The following FBXL17 variants were observed in gnomAD, a reference collection of about 807,000 sequenced individuals.
FBXL17 encodes F-box and leucine rich repeat protein 17.
Under a neutral mutation model 66.2 loss-of-function variants are expected in FBXL17, and 22 were observed. That is an observed-to-expected ratio of 0.33 (90% CI 0.24 to 0.47). FBXL17 has a LOEUF of 0.47. Among genes scored for constraint, FBXL17 ranks in the 20% least tolerant of loss-of-function variants. The pLI, the probability that FBXL17 is intolerant of heterozygous loss-of-function variation, is 1.00. For synonymous variants in FBXL17, 474 were observed against 400.5 expected (o/e 1.18, Z -2.19); for missense variants, 878 against 948.2 (o/e 0.93, Z 0.97).
intron 6 of FBXL17, among the ~76,000 whole-genome samples, chr5:108,045,274 T>G (rs1162549382): frequency 6.6e-6 from 1 of 151,964 alleles, no homozygotes; most frequent in Non-Finnish European, 1.5e-5. Flanking sequence ...GCCCTGTCGC[T>G]ACAAAAAAAT....
chr5:108,025,049 T>G (rs1367816675), intron 6 of FBXL17, among the ~76,000 whole-genome samples: 2 of 152,178 alleles, frequency 1.3e-5, no homozygotes, highest in African/African-American at 2.4e-5. Flanking sequence ...TACCAAATTT[T>G]TATGTTTTTT....
chr5:107,893,579 C>T (rs1749273777), intron 7 of FBXL17, among the ~76,000 whole-genome samples: 1 of 152,206 alleles, frequency 6.6e-6, no homozygotes, highest in African/African-American at 2.4e-5. Flanking sequence ...AATCTTGAAT[C>T]TGTCCCTGAC....
chr5:108,018,143 T>C (rs1472523766), intron 7 of FBXL17, among the ~76,000 whole-genome samples: 1 of 152,136 alleles, frequency 6.6e-6, no homozygotes, highest in Non-Finnish European at 1.5e-5. Context: ...CCAGCTTGAA[T>C]ACGAGTAAAG....
rs1330989544 is a variant in FBXL17 at position 107,861,770 on chromosome 5, T to C, written c.2056A>G (p.Arg686Gly). ...GGGGTCCAGCCCATCTGATAGGCTC[T>C]CTCCAAGGTCCTCTTGCAGTCCTGC... is the stretch of plus-strand genomic sequence containing the variant. ...VLQDCKRTLE[R>G]AYQMGWTPNM... Residue 686 changes from arginine (R) to glycine (G), a missense_variant, in exon 9 of 9, where the codon AGA (arginine) becomes GGA (glycine). Coordinates refer to ENST00000542267, the MANE Select transcript of FBXL17 (RefSeq NM_001163315.3). 1.3e-6 allele frequency: 2 copies of C among 1,587,244 alleles called. No individual in the cohort carries two copies. Among genetic ancestry groups the C allele is most frequent in the Non-Finnish European group, 1.7e-6 (2 of 1,164,520 alleles).
intron 7 of FBXL17, among the ~76,000 whole-genome samples, chr5:107,972,190 A>G (rs985618845): frequency 7.9e-5 from 12 of 152,166 alleles, no homozygotes; most frequent in African/African-American, 2.9e-4. Context: ...AATAAATGAA[A>G]GAAAAGAAAA....
intron 4 of FBXL17, among the ~76,000 whole-genome samples, chr5:108,308,531 C>T (rs1374880178): frequency 6.6e-6 from 1 of 152,024 alleles, no homozygotes; most frequent in East Asian, 1.9e-4. Context: ...ACAGGTTTTG[C>T]TTAATGGAAA....
In FBXL17 at chr5:108,377,744, T is replaced by C. The variant is rs541032282; in HGVS notation, c.993+2955A>G. On this transcript the variant is annotated intron_variant, in intron 1 of 8. Coordinates refer to ENST00000542267, the MANE Select transcript of FBXL17 (RefSeq NM_001163315.3). ...GCAGCCACAGGTGAAAGTACATTTCTTGCGGATATTTTTATGCTTGTCCTC... is the reference window on the plus strand; with the variant it reads ...GCAGCCACAGGTGAAAGTACATTTCCTGCGGATATTTTTATGCTTGTCCTC... Among the ~76,000 whole-genome samples the C allele has an allele frequency of 1.8e-4, 27 of 152,390 alleles. No individual in the cohort carries two copies. The South Asian group carries it at 5.6e-3, about 32-fold the overall frequency.
At chr5:107,918,887 G>A (rs1282332904) in intron 7 of FBXL17, among the ~76,000 whole-genome samples, 1 of 152,090 alleles carries the variant, frequency 6.6e-6, no homozygotes, top group Non-Finnish European at 1.5e-5. Context: ...GTAGATCCAG[G>A]GAAGCCATGC....
At chr5:108,033,865 A>T (rs954252105) in intron 6 of FBXL17, among the ~76,000 whole-genome samples, 1 of 152,224 alleles carries the variant, frequency 6.6e-6, no homozygotes, top group African/African-American at 2.4e-5. Flanking sequence ...TTCTACTCTT[A>T]TTATTTTTCA....
intron 5 of FBXL17, among the ~76,000 whole-genome samples, chr5:108,210,718 GT>G (rs1250522555): frequency 6.6e-6 from 1 of 152,144 alleles, no homozygotes; most frequent in Non-Finnish European, 1.5e-5. Context: ...GCTGAGGAGT[GT>G]TTTACTTCCA....
chr5:108,117,482 C>T lies in FBXL17; in HGVS notation c.1745+68635G>A, dbSNP rs536528467. On this transcript the variant is annotated intron_variant, in intron 6 of 8. Coordinates refer to ENST00000542267, the MANE Select transcript of FBXL17 (RefSeq NM_001163315.3). Reference sequence around the variant, plus strand: ...AATAAAATAAGATTTATAAATTGAGCTTAAAGGCTTATGAAAACTTGGCTT... The same window carrying T: ...AATAAAATAAGATTTATAAATTGAGTTTAAAGGCTTATGAAAACTTGGCTT... 4.6e-5 allele frequency among the ~76,000 whole-genome samples: 7 copies of T among 152,140 alleles called. No individual in the cohort carries two copies. In the East Asian group the frequency reaches 1.4e-3, roughly 29 times the overall value.
intron 7 of FBXL17, among the ~76,000 whole-genome samples, chr5:107,898,237 C>A (rs913255512): frequency 6.6e-6 from 1 of 151,808 alleles, no homozygotes; most frequent in East Asian, 1.9e-4. Context: ...AGAATTGGTA[C>A]CATAAACACT....
chr5:107,966,619 T>A (rs930225951), intron 7 of FBXL17, among the ~76,000 whole-genome samples: 1 of 152,140 alleles, frequency 6.6e-6, no homozygotes, highest in African/African-American at 2.4e-5. Context: ...CTGGAAGCAT[T>A]TTTGTTCGAC....
chr5:108,184,747 C>CAAAAAA lies in FBXL17; in HGVS notation c.1745+1364_1745+1369dup, dbSNP rs34512714. The stretch of plus-strand genomic sequence containing the variant: ...CGGGTGCCAAAGCAAGACTCGGTCT[C>CAAAAAA]AAAAAAAAAAAAAAAAAAAAAGAGG... On this transcript the variant is annotated intron_variant, in intron 6 of 8. Coordinates refer to ENST00000542267, the MANE Select transcript of FBXL17 (RefSeq NM_001163315.3). Among the ~76,000 whole-genome samples, 12 of 82,474 alleles carry CAAAAAA rather than the reference C, an allele frequency of 1.5e-4. No individual in the cohort carries two copies. In the East Asian group the frequency reaches 1.5e-3, roughly 10 times the overall value. 54.1% of individuals were successfully genotyped at this position (82,474 alleles called of 152,430 possible). A position where few individuals can be genotyped will look rare whatever the true frequency, so the allele number is the denominator to read the frequency against.
chr5:108,035,024 C>T (rs1156925517), intron 6 of FBXL17, among the ~76,000 whole-genome samples: 1 of 152,096 alleles, frequency 6.6e-6, no homozygotes, highest in Non-Finnish European at 1.5e-5. Context: ...TTTTTTTCTA[C>T]TAATGATCTA....
intron 6 of FBXL17, among the ~76,000 whole-genome samples, chr5:108,082,636 G>T (rs2149920599): frequency 6.6e-6 from 1 of 151,924 alleles, no homozygotes; most frequent in Non-Finnish European, 1.5e-5. Context: ...TGCAAAGTGT[G>T]GTAGAACATG....
intron 6 of FBXL17, among the ~76,000 whole-genome samples, chr5:108,136,704 T>C (rs1040811524): frequency 2.0e-5 from 3 of 152,134 alleles, no homozygotes; most frequent in Non-Finnish European, 1.5e-5. Context: ...AAAGCCCAAC[T>C]GCAAAAACTT....
At chr5:108,125,723 C>G (rs967120891) in intron 6 of FBXL17, among the ~76,000 whole-genome samples, 1 of 151,888 alleles carries the variant, frequency 6.6e-6, no homozygotes, top group Non-Finnish European at 1.5e-5. Flanking sequence ...ATTAGTGTTA[C>G]CAGAACTATG....
At chr5:107,897,701 A>C (rs1749428356) in intron 7 of FBXL17, among the ~76,000 whole-genome samples, 1 of 152,148 alleles carries the variant, frequency 6.6e-6, no homozygotes, top group Non-Finnish European at 1.5e-5. Flanking sequence ...CTTTTTGAAA[A>C]GAATTATCAA....
Sources: allele counts gnomAD v4.1 joint callset (sites outside exome capture counted in the v4.1 genomes callset), GRCh38; gene constraint gnomAD v4.1.1; transcripts MANE v1.5; gene names NCBI Gene and HGNC (gene_info 2026-07-23, HGNC 2026-07-21).